The following RASGRP4 variants were observed in gnomAD, a reference collection of about 807,000 sequenced individuals.
RASGRP4 encodes RAS guanyl releasing protein 4.
RASGRP4 carries 52 observed loss-of-function variants against 84.4 expected under a neutral mutation model. The ratio of observed to expected loss-of-function variants is 0.62; its 90% CI spans 0.49 to 0.78. RASGRP4 has a LOEUF of 0.78. Among genes scored for constraint, RASGRP4 ranks in the 30% least tolerant of loss-of-function variants. The pLI, the probability that RASGRP4 is intolerant of heterozygous loss-of-function variation, is 0.00. For synonymous variants in RASGRP4, 356 were observed against 359.1 expected (o/e 0.99, Z 0.10); for missense variants, 760 against 886.9 (o/e 0.86, Z 1.82).
At position 38,410,010 on chromosome 19, in the gene RASGRP4, G is replaced by A; in HGVS notation, c.*30C>T. The A allele has an allele frequency of 6.3e-7, 1 of 1,589,664 alleles. No individual in the cohort carries two copies. Among genetic ancestry groups the A allele is most frequent in the South Asian group, 1.1e-5 (1 of 89,282 alleles). The stretch of plus-strand genomic sequence containing the variant: ...GGACTCAGGACTGACTGGGGGAAGG[G>A]AGTGAGGAAGAGAGGAGACCAAGAG... On this transcript the variant is annotated 3_prime_UTR_variant, in exon 17 of 17. Coordinates refer to ENST00000615439, the MANE Select transcript of RASGRP4 (RefSeq NM_170604.3).
rs1568407170 is a variant in RASGRP4, at chr19:38,412,091, TGTTGTTGTTGTTGTTGTTG to T, written c.1680+562_1680+580del. On this transcript the variant is annotated intron_variant, in intron 13 of 16. Coordinates refer to ENST00000615439, the MANE Select transcript of RASGRP4 (RefSeq NM_170604.3). The surrounding 1 kb of genome is among the most constrained non-coding windows in gnomAD (Gnocchi z 4.6). ...TTTGGAGATTATCCAGGTTTGTTGT[TGTTGTTGTTGTTGTTGTTG>T]TTGTTGTTGTTGTTGTTGTTGTTTT... 1.8e-4 allele frequency among the ~76,000 whole-genome samples: 13 copies of T among 72,080 alleles called. No individual in the cohort carries two copies. The highest frequency in any genetic ancestry group is 8.8e-4 in the African/African-American group (3 of 3,416). The allele number at this position is 72,080 out of a possible 152,430, so 47.3% of individuals were successfully genotyped here. A position where few individuals can be genotyped will look rare whatever the true frequency, so the allele number is the denominator to read the frequency against.
chr19:38,423,793 T>C (rs1188541435), intron 1 of RASGRP4, among the ~76,000 whole-genome samples: 2 of 151,970 alleles, frequency 1.3e-5, no homozygotes, highest in Admixed American at 1.3e-4. Flanking sequence ...GCCGAGATCG[T>C]GCCACTGCAC....
chr19:38,421,908 G>A (rs1971768646), intron 2 of RASGRP4, 61 bp downstream of exon 2: 1 of 1,464,348 alleles, frequency 6.8e-7, no homozygotes, highest in South Asian at 1.2e-5. Context: ...CTGAGGTGGA[G>A]AGAAGCGAGT....
chr19:38,412,448 C>T lies in RASGRP4; in HGVS notation c.1680+224G>A. 3.6e-6 allele frequency: 2 copies of T among 561,296 alleles called. No homozygotes were observed. The highest frequency in any genetic ancestry group is 6.3e-6 in the Non-Finnish European group (2 of 317,948). The allele number at this position is 561,296 out of a possible 1,614,324, so 34.8% of individuals were successfully genotyped here. A position where few individuals can be genotyped will look rare whatever the true frequency, so the allele number is the denominator to read the frequency against. The stretch of plus-strand genomic sequence containing the variant: ...CCTATCTAGAGTTTTAGGTATTATC[C>T]ATGGTTCAGCAATTGTCTGGGGTGG... On this transcript the variant is annotated intron_variant, in intron 13 of 16. Coordinates refer to ENST00000615439, the MANE Select transcript of RASGRP4 (RefSeq NM_170604.3). This position sits in a 1 kb window ranked among gnomAD's most constrained non-coding sequence, Gnocchi z 4.6.
chr19:38,409,231 G>A lies in RASGRP4; in HGVS notation c.*809C>T, dbSNP rs1034852633. The A allele has an allele frequency of 3.9e-5, 7 of 179,190 alleles. No homozygotes were observed. The highest frequency in any genetic ancestry group is 1.2e-4 in the Admixed American group (2 of 17,184). The allele number at this position is 179,190 out of a possible 1,614,324, so 11.1% of individuals were successfully genotyped here. A position where few individuals can be genotyped will look rare whatever the true frequency, so the allele number is the denominator to read the frequency against. ...CCCTATAGCACATCTATCCTGTGCCGTGGGCATGGGTAAGGAGACATTCAG... is the reference window on the plus strand; with the variant it reads ...CCCTATAGCACATCTATCCTGTGCCATGGGCATGGGTAAGGAGACATTCAG... On this transcript the variant is annotated 3_prime_UTR_variant, in exon 17 of 17. Transcript: ENST00000615439.
rs756565994 is a variant in RASGRP4, at chr19:38,413,289, G to A, written c.1320C>T (p.Ser440=). The A allele has an allele frequency of 6.2e-7, 1 of 1,613,660 alleles. No individual in the cohort carries two copies. The highest frequency in any genetic ancestry group is 8.5e-7 in the Non-Finnish European group (1 of 1,179,682). ...CCACCACCAGAGGTGCATTGAAGGGGGAGGGTGGCTGGGGCGGGGACAGAG... is the reference window on the plus strand; with the variant it reads ...CCACCACCAGAGGTGCATTGAAGGGAGAGGGTGGCTGGGGCGGGGACAGAG... The part of the protein sequence containing the change: ...EPRCPKSLPP[S]PFNAPLVVEW... Residue 440 remains serine (S), a synonymous_variant, in exon 11 of 17, where the codon TCC becomes TCT. Coordinates refer to ENST00000615439, the MANE Select transcript of RASGRP4 (RefSeq NM_170604.3). The surrounding 1 kb of genome is among the most constrained non-coding windows in gnomAD (Gnocchi z 4.7).
rs911244181 is a variant in RASGRP4, at chr19:38,418,513, C to A, written c.715G>T (p.Ala239Ser). The A allele has an allele frequency of 1.3e-6, 2 of 1,556,132 alleles. No homozygotes were observed. Among genetic ancestry groups the A allele is most frequent in the Non-Finnish European group, 1.7e-6 (2 of 1,150,478 alleles). Reference protein sequence around the residue: ...VLQGSVRGCPALEGSVGLSNS... With the variant: ...VLQGSVRGCPSLEGSVGLSNS... The stretch of plus-strand genomic sequence containing the variant: ...CTGAGACCTACGGAGCCCTCCAGGG[C>A]CGGGCAGCCTCGTACTGAGCCCTGC... Residue 239 changes from alanine to serine, a missense_variant, in exon 7 of 17, where the codon GCC becomes TCC. Physicochemically the swap from Ala to Ser is moderately conservative, Grantham distance 99 (BLOSUM62 1). Transcript: ENST00000615439. This position sits in a 1 kb window ranked among gnomAD's most constrained non-coding sequence, Gnocchi z 4.6.
chr19:38,415,492 C>G (rs1465627581), intron 8 of RASGRP4, among the ~76,000 whole-genome samples: 1 of 151,304 alleles, frequency 6.6e-6, no homozygotes, highest in Admixed American at 6.6e-5. Flanking sequence ...CCTGCCTCAG[C>G]CTCCCAAGAA....
rs1971540764 is a variant in RASGRP4 at position 38,417,337 on chromosome 19, G to A, written c.838-169C>T. 6.6e-6 allele frequency among the ~76,000 whole-genome samples: 1 copy of A among 152,190 alleles called. No homozygotes were observed. The highest frequency in any genetic ancestry group is 1.9e-4 in the East Asian group (1 of 5,192). On this transcript the variant is annotated intron_variant, in intron 7 of 16. Coordinates refer to ENST00000615439, the MANE Select transcript of RASGRP4 (RefSeq NM_170604.3). The surrounding 1 kb of genome is among the most constrained non-coding windows in gnomAD (Gnocchi z 5.1). ...GCGGCAAGAGTGGGACATGCCATGTGTGGGCCTCACAGGGGTGTCAGATGG... is the reference window on the plus strand; with the variant it reads ...GCGGCAAGAGTGGGACATGCCATGTATGGGCCTCACAGGGGTGTCAGATGG...
intron 16 of RASGRP4, 118 bp from the exon 17 acceptor site, chr19:38,410,214 C>A (rs947937386): frequency 4.2e-6 from 3 of 717,452 alleles, no homozygotes; most frequent in Non-Finnish European, 4.6e-6. Flanking sequence ...GATGAATGAA[C>A]GTCCCCTGTG....
Position 38,422,166 on chromosome 19 carries a change from C to T in RASGRP4, c.24-13G>A. ...CTGGTGGGACTTCCTGTGGGCACAG[C>T]CCCCAAGGAGTCATGGGAGCACCTT... On this transcript the variant is annotated splice_polypyrimidine_tract_variant and intron_variant, in intron 1 of 16. Coordinates refer to ENST00000615439, the MANE Select transcript of RASGRP4 (RefSeq NM_170604.3). The T allele has an allele frequency of 1.9e-6, 3 of 1,600,696 alleles. No homozygotes were observed. Among genetic ancestry groups the T allele is most frequent in the Non-Finnish European group, 2.6e-6 (3 of 1,173,962 alleles).
chr19:38,420,203 A>G lies in RASGRP4; in HGVS notation c.437T>C (p.Ile146Thr), dbSNP rs755802919. Residue 146 changes from isoleucine (I) to threonine (T), a missense_variant, in exon 5 of 17, where the codon ATA becomes ACA. Coordinates refer to ENST00000615439, the MANE Select transcript of RASGRP4 (RefSeq NM_170604.3). ...MHQDPQLEEV[I>T]GRFWATVARE... ...GGCCACGGTGGCCCAGAAACGACCT[A>G]TGACTTCTTCTAGCTGGGGATCCTG... The G allele has an allele frequency of 1.6e-5, 26 of 1,613,212 alleles. No homozygotes were observed. The highest frequency in any genetic ancestry group is 2.5e-6 in the Non-Finnish European group (3 of 1,179,596).
Position 38,417,017 on chromosome 19 carries a change from C to G in RASGRP4, c.954+35G>C. The G allele has an allele frequency of 7.7e-7, 1 of 1,293,418 alleles. No individual in the cohort carries two copies. Among genetic ancestry groups the G allele is most frequent in the Non-Finnish European group, 1.1e-6 (1 of 910,836 alleles). 80.1% of individuals were successfully genotyped at this position (1,293,418 alleles called of 1,614,324 possible). A position where few individuals can be genotyped will look rare whatever the true frequency, so the allele number is the denominator to read the frequency against. ...AGGTGTGGGGGCTCAAGACAGCTGA[C>G]CACTTGGAGCTTTGGGGAGGGTAGT... On this transcript the variant is annotated intron_variant, in intron 8 of 16. Coordinates refer to ENST00000615439, the MANE Select transcript of RASGRP4 (RefSeq NM_170604.3). The surrounding 1 kb of genome is among the most constrained non-coding windows in gnomAD (Gnocchi z 5.1).
chr19:38,421,913 G>T (rs903994739), intron 2 of RASGRP4, 56 bp downstream of exon 2: 11 of 1,495,674 alleles, frequency 7.4e-6, no homozygotes, highest in Non-Finnish European at 1.0e-5. Flanking sequence ...GTGGAGAGAA[G>T]CGAGTGCTGA....
chr19:38,424,923 T>C (rs986217796), intron 1 of RASGRP4, among the ~76,000 whole-genome samples: 4 of 149,516 alleles, frequency 2.7e-5, no homozygotes, highest in African/African-American at 9.8e-5. Flanking sequence ...TGGTGGCTCA[T>C]GCCTCTAATC....
At position 38,421,076 on chromosome 19, in the gene RASGRP4, TCA is replaced by T; in HGVS notation, c.314+17_314+18del. 2 of 1,611,280 alleles carry T rather than the reference TCA, an allele frequency of 1.2e-6. No homozygotes were observed. The highest frequency in any genetic ancestry group is 1.7e-6 in the Non-Finnish European group (2 of 1,177,564). ...CTGCCCTCTGCCCTCCACCCATAGC[TCA>T]CAGTCCTGGAGGATATGAGGTCAGC... On this transcript the variant is annotated intron_variant, in intron 3 of 16. Coordinates refer to ENST00000615439, the MANE Select transcript of RASGRP4 (RefSeq NM_170604.3).
rs1187095771 is a variant in RASGRP4, at chr19:38,417,117, G to A, written c.889C>T (p.Leu297=). ...AGTCTGGAGATGGCACTGTGACACA[G>A]GCCCCCTGTGACTGCCATCAGCGTG... The part of the protein sequence containing the change: ...FNTLMAVTGG[L]CHSAISRLKD... Residue 297 remains leucine (L), a synonymous_variant, in exon 8 of 17, where the codon CTG becomes TTG. Transcript: ENST00000615439. This position sits in a 1 kb window ranked among gnomAD's most constrained non-coding sequence, Gnocchi z 5.1. 1 of 1,564,708 alleles carries A rather than the reference G, an allele frequency of 6.4e-7. No homozygotes were observed. Among genetic ancestry groups the A allele is most frequent in the East Asian group, 2.4e-5 (1 of 42,054 alleles).
chr19:38,414,700 G>A (rs1183217647), intron 9 of RASGRP4, 148 bp downstream of exon 9: 17 of 774,062 alleles, frequency 2.2e-5, no homozygotes, highest in African/African-American at 5.2e-5. Context: ...CCAAGATCAC[G>A]CAGCTAGAAA....
At chr19:38,411,610 G>A (rs913404936) in intron 13 of RASGRP4, 14 of 536,382 alleles carry the variant, frequency 2.6e-5, no homozygotes, top group Admixed American at 3.3e-5. Flanking sequence ...TGGGAGGATC[G>A]CTTGAGCTCA....
Sources: gnomAD v4.1 joint callset for allele counts (sites outside exome capture counted in the v4.1 genomes callset) on GRCh38, gnomAD v4.1.1 for gene constraint, Gnocchi (gnomAD v3.1) non-coding constraint, MANE v1.5 for transcripts, NCBI Gene and HGNC (gene_info 2026-07-23, HGNC 2026-07-21) for gene names.